The following COL25A1 variants were observed in gnomAD, a reference collection of about 807,000 sequenced individuals.
The protein encoded by COL25A1 is collagen alpha-1(XXV) chain.
COL25A1 carries 103 observed loss-of-function variants against 128.4 expected under a neutral mutation model. The ratio of observed to expected loss-of-function variants is 0.80; its 90% CI spans 0.68 to 0.94. COL25A1 has a LOEUF of 0.94. COL25A1 is among the 40% of genes least tolerant of loss of function. The pLI, the probability that COL25A1 is intolerant of heterozygous loss-of-function variation, is 0.00. For synonymous variants in COL25A1, 279 were observed against 277.2 expected, an observed-to-expected ratio of 1.01 and a Z score of -0.06; for missense variants, 745 against 840.0, an observed-to-expected ratio of 0.89 and a Z score of 1.40.
chr4:109,076,114 T>C (rs1477363235), intron 3 of COL25A1, among the ~76,000 whole-genome samples: 1 of 152,184 alleles, frequency 6.6e-6, no homozygotes, highest in Admixed American at 6.5e-5. Context: ...GCATAGCTTA[T>C]ATGCAAATAT....
chr4:109,279,344 T>C (rs1723151704), intron 3 of COL25A1, among the ~76,000 whole-genome samples: 1 of 152,178 alleles, frequency 6.6e-6, no homozygotes, highest in Admixed American at 6.5e-5. Context: ...GTGCAGTGAC[T>C]CATGCCAGTA....
intron 3 of COL25A1, among the ~76,000 whole-genome samples, chr4:109,058,365 T>G (rs1334886547): frequency 1.3e-5 from 2 of 152,108 alleles, no homozygotes; most frequent in Non-Finnish European, 2.9e-5. Context: ...TTTGTGAGAT[T>G]ACATGCTATG....
intron 3 of COL25A1, among the ~76,000 whole-genome samples, chr4:109,135,123 T>A (rs1424761614): frequency 6.8e-6 from 1 of 147,882 alleles, no homozygotes; most frequent in Admixed American, 6.8e-5. Context: ...TGAACTGGGG[T>A]AGAAAAGTCC....
chr4:109,152,194 C>A (rs769209657), intron 3 of COL25A1, among the ~76,000 whole-genome samples: 10 of 151,564 alleles, frequency 6.6e-5, no homozygotes, highest in Non-Finnish European at 1.2e-4. Context: ...CAATAATGAA[C>A]CCCAAAGAAG....
chr4:109,125,216 G>A (rs977941920), intron 3 of COL25A1, among the ~76,000 whole-genome samples: 1 of 152,104 alleles, frequency 6.6e-6, no homozygotes, highest in South Asian at 2.1e-4. Flanking sequence ...GGTAGTAGAT[G>A]GCTATCCCTT....
intron 3 of COL25A1, among the ~76,000 whole-genome samples, chr4:109,054,735 A>T (rs1360570137): frequency 6.6e-6 from 1 of 152,198 alleles, no homozygotes; most frequent in Non-Finnish European, 1.5e-5. Context: ...GTCACAGCAA[A>T]GTAAAGGGCA....
chr4:108,923,239 G>A (rs1297978963), intron 11 of COL25A1, among the ~76,000 whole-genome samples: 1 of 152,144 alleles, frequency 6.6e-6, no homozygotes, highest in Non-Finnish European at 1.5e-5. Flanking sequence ...GCTACCAGTT[G>A]GTTAAGATGA....
chr4:109,026,306 T>A (rs1231923900), intron 5 of COL25A1, among the ~76,000 whole-genome samples: 1 of 151,894 alleles, frequency 6.6e-6, no homozygotes, highest in African/African-American at 2.4e-5. Flanking sequence ...ACAACAAAAT[T>A]AGAGTTACAG....
At chr4:109,207,535 A>C (rs1777113661) in intron 3 of COL25A1, among the ~76,000 whole-genome samples, 1 of 152,192 alleles carries the variant, frequency 6.6e-6, no homozygotes. Flanking sequence ...TTTTCATTGA[A>C]ATTTCTCAAA....
At chr4:109,151,419 C>A (rs1771491368) in intron 3 of COL25A1, among the ~76,000 whole-genome samples, 1 of 151,994 alleles carries the variant, frequency 6.6e-6, no homozygotes, top group Non-Finnish European at 1.5e-5. Context: ...AAGCACAGAA[C>A]CTTATGACTA....
rs59126671 is a variant in COL25A1, at chr4:109,254,509, A to ATATATATG, written c.367+46073_367+46074insCATATATA. Among the ~76,000 whole-genome samples, 80 of 104,508 alleles carry ATATATATG rather than the reference A, an allele frequency of 7.7e-4. 2 individuals carry two copies. Among genetic ancestry groups the ATATATATG allele is most frequent in the African/African-American group, 2.7e-3 (74 of 27,010 alleles). 68.6% of individuals were successfully genotyped at this position (104,508 alleles called of 152,430 possible). On this transcript the variant is annotated intron_variant, in intron 3 of 37. Transcript: ENST00000399132. ...TATATATATATATATATATATATGTATGTGTGTATATACATATACATATAT... is the reference window on the plus strand; with the variant it reads ...TATATATATATATATATATATATGTATATATATGTGTGTGTATATACATATACATATAT...
At chr4:109,281,480 A>T (rs1444357653) in intron 3 of COL25A1, among the ~76,000 whole-genome samples, 1 of 152,010 alleles carries the variant, frequency 6.6e-6, no homozygotes, top group Non-Finnish European at 1.5e-5. Flanking sequence ...TGGAAAGAAC[A>T]GTTATTTTGA....
chr4:109,143,250 C>T (rs898911050), intron 3 of COL25A1, among the ~76,000 whole-genome samples: 5 of 152,132 alleles, frequency 3.3e-5, no homozygotes, highest in South Asian at 4.1e-4. Context: ...TCTTCTGGCT[C>T]GCAGGGTTTC....
At chr4:109,013,655 G>C (rs4085272) in intron 5 of COL25A1, among the ~76,000 whole-genome samples, 1 of 151,556 alleles carries the variant, frequency 6.6e-6, no homozygotes, top group Admixed American at 6.6e-5. Flanking sequence ...AACTCTGAAC[G>C]GAAGGAATGA....
At chr4:109,298,195 T>A (rs1725175113) in intron 3 of COL25A1, among the ~76,000 whole-genome samples, 1 of 152,142 alleles carries the variant, frequency 6.6e-6, no homozygotes, top group Admixed American at 6.5e-5. Context: ...CCCCTGCCAT[T>A]AGAAGCCATT....
intron 19 of COL25A1, among the ~76,000 whole-genome samples, chr4:108,875,114 A>T (rs1376363804): frequency 6.6e-6 from 1 of 152,226 alleles, no homozygotes; most frequent in Non-Finnish European, 1.5e-5. Flanking sequence ...CAGATCTGAG[A>T]TCACTGCTGC....
intron 31 of COL25A1, among the ~76,000 whole-genome samples, chr4:108,841,475 A>C (rs1172624113): frequency 6.6e-6 from 1 of 152,182 alleles, no homozygotes; most frequent in Admixed American, 6.5e-5. Context: ...GTGACCAGGA[A>C]AAAGGCAAAA....
chr4:108,824,357 C>T, intron 34 of COL25A1, 130 bp from the exon 35 acceptor site: 1 of 654,420 alleles, frequency 1.5e-6, no homozygotes, highest in East Asian at 2.7e-5. Flanking sequence ...AGTGTTAAGA[C>T]TTAGATAATA....
chr4:109,203,539 A>G (rs1560861497), intron 3 of COL25A1, among the ~76,000 whole-genome samples: 1 of 152,082 alleles, frequency 6.6e-6, no homozygotes, highest in East Asian at 1.9e-4. Context: ...TCAGGAAAGC[A>G]ATTTCTAAGG....
Sources: allele counts gnomAD v4.1 joint callset (sites outside exome capture counted in the v4.1 genomes callset), GRCh38; gene constraint gnomAD v4.1.1; transcripts MANE v1.5; gene names NCBI Gene and HGNC (gene_info 2026-07-23, HGNC 2026-07-21).